Variants in PPM1L observed in about 807,000 individuals in gnomAD.
PPM1L encodes protein phosphatase, Mg2+/Mn2+ dependent 1L.
A neutral mutation model predicts 31.4 loss-of-function variants in PPM1L; 13 were observed. The observed-to-expected ratio is 0.41, with a 90% CI of 0.27 to 0.66. The LOEUF is 0.66. PPM1L is among the 30% of genes least tolerant of loss of function. The pLI, the probability that PPM1L is intolerant of heterozygous loss-of-function variation, is 0.29. For missense variants in PPM1L, 326 were observed against 453.7 expected (o/e 0.72, Z 2.56); for synonymous variants, 184 against 175.4 (o/e 1.05, Z -0.39).
At chr3:160,850,886 G>GGC (rs1553812648) in intron 1 of PPM1L, among the ~76,000 whole-genome samples, 2 of 146,274 alleles carry the variant, frequency 1.4e-5, no homozygotes, top group Non-Finnish European at 3.0e-5. Context: ...TTTTTTGGTG[G>GGC]GGGGGGGGTC....
intron 1 of PPM1L, among the ~76,000 whole-genome samples, chr3:160,955,487 G>T (rs941630427): frequency 4.6e-5 from 7 of 151,792 alleles, no homozygotes; most frequent in Admixed American, 4.6e-4. Flanking sequence ...GCGTATTTTT[G>T]CATTACTTTG....
intron 1 of PPM1L, among the ~76,000 whole-genome samples, chr3:160,902,654 C>T (rs942473241): frequency 6.6e-6 from 1 of 152,180 alleles, no homozygotes; most frequent in Non-Finnish European, 1.5e-5. Flanking sequence ...TGTTTTTCTA[C>T]ATCGACTGAA....
At chr3:160,897,263 G>A (rs889591342) in intron 1 of PPM1L, among the ~76,000 whole-genome samples, 1 of 151,928 alleles carries the variant, frequency 6.6e-6, no homozygotes, top group African/African-American at 2.4e-5. Context: ...GGATGGTCTC[G>A]ATCTCTTGAC....
intron 2 of PPM1L, among the ~76,000 whole-genome samples, chr3:160,976,146 C>T (rs1716563410): frequency 1.0e-5 from 1 of 98,956 alleles, no homozygotes; most frequent in Non-Finnish European, 1.9e-5. Flanking sequence ...TGGTTTTTGT[C>T]TTTGGCTCTG....
chr3:160,794,935 G>A (rs1712207081), intron 1 of PPM1L, among the ~76,000 whole-genome samples: 1 of 152,148 alleles, frequency 6.6e-6, no homozygotes, highest in African/African-American at 2.4e-5. Flanking sequence ...GGGTAATGGT[G>A]AAATGATCTG....
chr3:160,797,058 TTTTTGTTTTG>T lies in PPM1L; in HGVS notation c.399+40366_399+40375del, dbSNP rs796242302. On this transcript the variant is annotated intron_variant, in intron 1 of 3. Transcript: ENST00000498165. Reference sequence around the variant, plus strand: ...ATTGCATTTCACAGATGCTGCAGGGTTTTTGTTTTGTTTTGTTTTGTTTTTAAACAAATTG... The same window carrying T: ...ATTGCATTTCACAGATGCTGCAGGGTTTTTGTTTTGTTTTTAAACAAATTG... Among the ~76,000 whole-genome samples, 184 of 152,232 alleles carry T rather than the reference TTTTTGTTTTG, an allele frequency of 1.2e-3. 2 individuals are homozygous for T. The highest frequency in any genetic ancestry group is 4.3e-3 in the African/African-American group (178 of 41,536).
At chr3:160,900,215 A>G (rs1265129213) in intron 1 of PPM1L, among the ~76,000 whole-genome samples, 1 of 152,056 alleles carries the variant, frequency 6.6e-6, no homozygotes, top group Non-Finnish European at 1.5e-5. Context: ...TGTCTTTTAT[A>G]TTAACAGGTT....
intron 1 of PPM1L, among the ~76,000 whole-genome samples, chr3:160,953,507 A>G (rs1011019630): frequency 6.6e-6 from 1 of 152,258 alleles, no homozygotes; most frequent in Admixed American, 6.5e-5. Flanking sequence ...TAACAAAATG[A>G]GTAAAGGAAA....
intron 1 of PPM1L, among the ~76,000 whole-genome samples, chr3:160,850,860 T>C (rs1319984090): frequency 2.7e-5 from 4 of 149,988 alleles, no homozygotes; most frequent in African/African-American, 4.9e-5. Context: ...TTTAAGGATA[T>C]TGCTTCTTAC....
chr3:160,932,570 C>T (rs568343110), intron 1 of PPM1L, among the ~76,000 whole-genome samples: 2 of 152,244 alleles, frequency 1.3e-5, no homozygotes, highest in African/African-American at 4.8e-5. Flanking sequence ...TGATCAAAAT[C>T]TTCACATTTG....
At chr3:161,034,280 G>A (rs1301819518) in intron 2 of PPM1L, among the ~76,000 whole-genome samples, 1 of 152,186 alleles carries the variant, frequency 6.6e-6, no homozygotes, top group Non-Finnish European at 1.5e-5. Flanking sequence ...GGAAGACAGT[G>A]TGGCGATTCC....
intron 1 of PPM1L, among the ~76,000 whole-genome samples, chr3:160,765,069 C>T (rs1401298846): frequency 6.6e-6 from 1 of 152,066 alleles, no homozygotes; most frequent in Non-Finnish European, 1.5e-5. Flanking sequence ...GTATAATATG[C>T]CAGGCAGTAT....
At position 160,975,919 on chromosome 3, in the gene PPM1L, G is replaced by C. The variant is rs1250989681; in HGVS notation, c.574+14009G>C. The stretch of plus-strand genomic sequence containing the variant: ...GAACTTCCAACACTATGTTGAATAG[G>C]AGTGGTGAGAGAGGGCATCCCTGTC... On this transcript the variant is annotated intron_variant, in intron 2 of 3. Transcript: ENST00000498165. Among the ~76,000 whole-genome samples the C allele has an allele frequency of 1.4e-4, 20 of 148,112 alleles. No homozygotes were observed. The East Asian group carries it at 3.9e-3, about 29-fold the overall frequency.
intron 1 of PPM1L, among the ~76,000 whole-genome samples, chr3:160,922,304 C>T (rs1032828956): frequency 9.9e-5 from 15 of 151,850 alleles, no homozygotes; most frequent in African/African-American, 3.1e-4. Context: ...AGCGAGACTC[C>T]GTCTAAAAAA....
At chr3:160,887,925 G>A (rs2108043319) in intron 1 of PPM1L, among the ~76,000 whole-genome samples, 1 of 152,204 alleles carries the variant, frequency 6.6e-6, no homozygotes, top group South Asian at 2.1e-4. Context: ...TTTGTATCTA[G>A]CCAAACTAAG....
intron 1 of PPM1L, among the ~76,000 whole-genome samples, chr3:160,899,728 G>A (rs1288536030): frequency 2.0e-5 from 3 of 152,128 alleles, no homozygotes; most frequent in African/African-American, 7.2e-5. Context: ...CCTTTGGGTT[G>A]GAGAAAATAA....
chr3:160,999,680 A>C (rs1163398685), intron 2 of PPM1L, among the ~76,000 whole-genome samples: 1 of 152,258 alleles, frequency 6.6e-6, no homozygotes, highest in African/African-American at 2.4e-5. Flanking sequence ...CCCAGAGTTC[A>C]ACTAGATCAA....
chr3:160,828,313 T>C (rs1423059639), intron 1 of PPM1L, among the ~76,000 whole-genome samples: 2 of 152,084 alleles, frequency 1.3e-5, no homozygotes, highest in African/African-American at 4.8e-5. Context: ...CTTAAAGTCA[T>C]GACAGCTGAT....
intron 1 of PPM1L, among the ~76,000 whole-genome samples, chr3:160,884,185 A>G (rs116012346): frequency 4.5e-4 from 69 of 152,330 alleles, no homozygotes; most frequent in African/African-American, 1.6e-3. Flanking sequence ...TGTAAAGATA[A>G]TATGATTATT....
Sources: allele counts gnomAD v4.1 joint callset (sites outside exome capture counted in the v4.1 genomes callset), GRCh38; gene constraint gnomAD v4.1.1; transcripts MANE v1.5; gene names NCBI Gene and HGNC (gene_info 2026-07-23, HGNC 2026-07-21).